The following PTPRT variants were observed in gnomAD, a reference collection of about 807,000 sequenced individuals.
PTPRT encodes the protein receptor-type tyrosine-protein phosphatase T.
A neutral mutation model predicts 176.8 loss-of-function variants in PTPRT; 56 were observed. The observed-to-expected ratio is 0.32, with a 90% CI of 0.26 to 0.40. The LOEUF is 0.40. PTPRT is among the 10% of genes least tolerant of loss of function. The probability of loss-of-function intolerance (pLI) is 1.00; values close to 1 mark genes in which losing one functional copy is unlikely to be tolerated. For missense variants in PTPRT, 1,540 were observed against 1,908.2 expected, an observed-to-expected ratio of 0.81 and a Z score of 3.60; for synonymous variants, 783 against 739.0, an observed-to-expected ratio of 1.06 and a Z score of -0.96.
intron 8 of PTPRT, among the ~76,000 whole-genome samples, chr20:42,459,722 G>C (rs958262419): frequency 1.3e-5 from 2 of 152,130 alleles, no homozygotes. Flanking sequence ...ACAGGGTCTT[G>C]CTCTGTCACC....
In PTPRT at chr20:42,601,643, G is replaced by A. The variant is rs181785058; in HGVS notation, c.1153+76223C>T. Among the ~76,000 whole-genome samples, 10 of 152,204 alleles carry A rather than the reference G, an allele frequency of 6.6e-5. No individual in the cohort carries two copies. The East Asian group carries it at 1.9e-3, about 29-fold the overall frequency. ...GGGATGGTTTACTCTACAAGAAAAGGATCCTTTTGTTTTTCTCCAGTGCCT... is the reference window on the plus strand; with the variant it reads ...GGGATGGTTTACTCTACAAGAAAAGAATCCTTTTGTTTTTCTCCAGTGCCT... On this transcript the variant is annotated intron_variant, in intron 7 of 30. Coordinates refer to ENST00000373187, the MANE Select transcript of PTPRT (RefSeq NM_007050.6).
chr20:42,143,577 T>A (rs1390652106), intron 17 of PTPRT, among the ~76,000 whole-genome samples: 1 of 148,528 alleles, frequency 6.7e-6, no homozygotes, highest in Non-Finnish European at 1.5e-5. Flanking sequence ...AAAAAAAAGT[T>A]GTGGCAGTAC....
intron 2 of PTPRT, among the ~76,000 whole-genome samples, chr20:42,862,489 C>T (rs115609953): frequency 0.012 from 1,758 of 152,250 alleles, 35 homozygotes; most frequent in African/African-American, 0.041. Flanking sequence ...AGTTGGGGTC[C>T]ACCTGCTGAG....
chr20:43,021,333 G>A (rs1985671011), intron 1 of PTPRT, among the ~76,000 whole-genome samples: 1 of 152,108 alleles, frequency 6.6e-6, no homozygotes, highest in African/African-American at 2.4e-5. Flanking sequence ...AACTGCAACT[G>A]TAATAGCTGA....
intron 7 of PTPRT, among the ~76,000 whole-genome samples, chr20:42,519,304 C>A (rs2072126798): frequency 6.6e-6 from 1 of 152,024 alleles, no homozygotes; most frequent in East Asian, 1.9e-4. Context: ...TGTATGTATT[C>A]CTTTGTATTG....
chr20:42,689,538 G>A (rs2075757909), intron 6 of PTPRT, among the ~76,000 whole-genome samples: 1 of 152,184 alleles, frequency 6.6e-6, no homozygotes, highest in Non-Finnish European at 1.5e-5. Context: ...CATCCTGCAA[G>A]GGAGATAAGG....
chr20:42,240,525 A>G (rs2056331505), intron 14 of PTPRT, among the ~76,000 whole-genome samples: 1 of 152,198 alleles, frequency 6.6e-6, no homozygotes. Flanking sequence ...GCTAGCTCAC[A>G]AGATTGACTT....
intron 7 of PTPRT, among the ~76,000 whole-genome samples, chr20:42,578,373 G>C (rs1568991149): frequency 6.6e-6 from 1 of 152,134 alleles, no homozygotes. Flanking sequence ...GTATTTTTCT[G>C]AGGGTCACAG....
intron 1 of PTPRT, among the ~76,000 whole-genome samples, chr20:43,022,846 C>T (rs960174562): frequency 3.3e-5 from 5 of 152,324 alleles, no homozygotes; most frequent in South Asian, 2.1e-4. Flanking sequence ...TTCCACCTTG[C>T]TAGAGCCTGA....
chr20:43,083,351 T>TATATATATACATATATATATAC (rs1419855835), intron 1 of PTPRT, among the ~76,000 whole-genome samples: 3 of 114,318 alleles, frequency 2.6e-5, no homozygotes, highest in African/African-American at 1.0e-4. Flanking sequence ...TATATATATA[T>TATATATATACATATATATATAC]ATATATATAT....
chr20:42,403,001 T>A (rs1156817916), intron 9 of PTPRT, among the ~76,000 whole-genome samples: 3 of 152,184 alleles, frequency 2.0e-5, no homozygotes, highest in Non-Finnish European at 4.4e-5. Context: ...ATTATTTAAT[T>A]ATTCTCAATG....
At chr20:42,137,024 T>TG (rs1221160061) in intron 18 of PTPRT, among the ~76,000 whole-genome samples, 1 of 152,222 alleles carries the variant, frequency 6.6e-6, no homozygotes. Flanking sequence ...TCTTTGGGCC[T>TG]GCCCTGCAAG....
At chr20:42,525,559 C>A (rs1395215697) in intron 7 of PTPRT, among the ~76,000 whole-genome samples, 1 of 152,204 alleles carries the variant, frequency 6.6e-6, no homozygotes. Context: ...CACTTAAAAA[C>A]ACACACTCGT....
intron 2 of PTPRT, among the ~76,000 whole-genome samples, chr20:42,854,126 C>G (rs539033320): frequency 1.6e-4 from 25 of 152,184 alleles, no homozygotes; most frequent in Non-Finnish European, 3.2e-4. Flanking sequence ...TCCTTATACC[C>G]AGAGTGTTTC....
chr20:42,129,470 C>G (rs1988023686), intron 18 of PTPRT, among the ~76,000 whole-genome samples: 1 of 152,190 alleles, frequency 6.6e-6, no homozygotes, highest in Non-Finnish European at 1.5e-5. Flanking sequence ...CTTACTTCAA[C>G]TAACACCAAA....
chr20:42,777,517 C>T (rs2145487925), intron 4 of PTPRT, among the ~76,000 whole-genome samples: 1 of 152,288 alleles, frequency 6.6e-6, no homozygotes, highest in East Asian at 1.9e-4. Context: ...TTACTATATC[C>T]ACTATTATTT....
rs762183352 is a variant in PTPRT, at chr20:43,012,440, G to A, written c.89-126508C>T. ...GAGGCTGAGGGGAGTGGGGAATGGA[G>A]AGTTAGTGTTTAAAGGGCACAGAGA... is the stretch of plus-strand genomic sequence containing the variant. On this transcript the variant is annotated intron_variant, in intron 1 of 30. Transcript: ENST00000373187. 7.2e-5 allele frequency among the ~76,000 whole-genome samples: 11 copies of A among 152,154 alleles called. 1 individual carries two copies. The highest frequency in any genetic ancestry group is 1.5e-4 in the Non-Finnish European group (10 of 68,020).
At chr20:43,094,153 T>C (rs1434224195) in intron 1 of PTPRT, among the ~76,000 whole-genome samples, 1 of 149,936 alleles carries the variant, frequency 6.7e-6, no homozygotes, top group Non-Finnish European at 1.5e-5. Flanking sequence ...AGTGGCGCGA[T>C]CTAGGCTCAC....
rs1487648607 is a variant in PTPRT, at chr20:42,115,253, C to T, written c.3045G>A (p.Leu1015=). The T allele has an allele frequency of 6.2e-7, 1 of 1,614,182 alleles. No individual in the cohort carries two copies. Residue 1015 remains leucine (L), a synonymous_variant, in exon 22 of 31, where the codon CTG becomes CTA. Transcript: ENST00000373187. The part of the protein sequence containing the change: ...TEVYGDIKVT[L]IETEPLAEYV... ...ATTCTGCCAGGGGCTCTGTTTCAAT[C>T]AGGGTGACTTTAATGTCTCCGTAGA... is the stretch of plus-strand genomic sequence containing the variant.
Sources: allele counts gnomAD v4.1 joint callset (sites outside exome capture counted in the v4.1 genomes callset), GRCh38; gene constraint gnomAD v4.1.1; transcripts MANE v1.5; gene names NCBI Gene and HGNC (gene_info 2026-07-23, HGNC 2026-07-21).